Variants in ESRRG observed in about 807,000 individuals in gnomAD.
ESRRG encodes the protein estrogen-related receptor gamma.
Under a neutral mutation model 44.0 loss-of-function variants are expected in ESRRG, and 13 were observed. That is an observed-to-expected ratio of 0.30 (90% CI 0.19 to 0.47). ESRRG has a LOEUF of 0.47. Ranked by LOEUF, ESRRG falls within the 20% of genes least tolerant of loss-of-function variation. The probability of loss-of-function intolerance (pLI) is 1.00; values close to 1 mark genes in which losing one functional copy is unlikely to be tolerated. For synonymous variants in ESRRG, 215 were observed against 214.6 expected, an observed-to-expected ratio of 1.00 and a Z score of -0.02; for missense variants, 395 against 580.6, an observed-to-expected ratio of 0.68 and a Z score of 3.29.
At chr1:217,043,078 G>A (rs377360302) in intron 1 of ESRRG, among the ~76,000 whole-genome samples, 231 of 151,942 alleles carry the variant, frequency 1.5e-3, no homozygotes, top group African/African-American at 5.2e-3. Context: ...CAAATTTAAC[G>A]CCAAACATTA....
At chr1:217,070,386 AT>A (rs71303006) in intron 1 of ESRRG, among the ~76,000 whole-genome samples, 94 of 147,878 alleles carry the variant, frequency 6.4e-4, no homozygotes, top group South Asian at 1.1e-3. Context: ...TCCAAAGTTA[AT>A]TTTTTTTTTT....
intron 2 of ESRRG, among the ~76,000 whole-genome samples, chr1:216,790,526 T>A (rs2094286206): frequency 6.6e-6 from 1 of 152,182 alleles, no homozygotes; most frequent in Non-Finnish European, 1.5e-5. Context: ...GAACTTGAGA[T>A]GAATCTTAGT....
At chr1:216,933,361 T>G (rs1351318675) in intron 2 of ESRRG, among the ~76,000 whole-genome samples, 1 of 152,136 alleles carries the variant, frequency 6.6e-6, no homozygotes, top group Non-Finnish European at 1.5e-5. Flanking sequence ...TCACTTAGGC[T>G]TTCTAATTTT....
chr1:216,709,838 AT>A (rs1054032081), intron 1 of ESRRG, among the ~76,000 whole-genome samples: 2 of 151,944 alleles, frequency 1.3e-5, no homozygotes, highest in African/African-American at 2.4e-5. Flanking sequence ...CGAAACAATA[AT>A]TTTTTTTAGA....
At chr1:217,004,656 T>A (rs2077489718) in intron 1 of ESRRG, among the ~76,000 whole-genome samples, 1 of 152,218 alleles carries the variant, frequency 6.6e-6, no homozygotes, top group Non-Finnish European at 1.5e-5. Flanking sequence ...GCCATGGGCA[T>A]ATAATCTAAT....
chr1:216,835,172 G>A (rs1174742529), intron 2 of ESRRG, among the ~76,000 whole-genome samples: 1 of 152,110 alleles, frequency 6.6e-6, no homozygotes, highest in Non-Finnish European at 1.5e-5. Context: ...TGAATCTTTG[G>A]TAACACCGTG....
chr1:216,595,049 T>C (rs944873446), intron 3 of ESRRG, among the ~76,000 whole-genome samples: 4 of 152,244 alleles, frequency 2.6e-5, no homozygotes, highest in African/African-American at 9.6e-5. Flanking sequence ...GGAAAAATTC[T>C]GCAAGTACTT....
chr1:217,116,505 T>A (rs2092730307), intron 1 of ESRRG, among the ~76,000 whole-genome samples: 2 of 152,188 alleles, frequency 1.3e-5, no homozygotes, highest in South Asian at 4.1e-4. Flanking sequence ...TGTCTTACAA[T>A]CTTATAGGGA....
chr1:217,067,265 G>C (rs1282411066), intron 1 of ESRRG, among the ~76,000 whole-genome samples: 2 of 152,104 alleles, frequency 1.3e-5, no homozygotes, highest in Non-Finnish European at 2.9e-5. Flanking sequence ...CTAATTTCTA[G>C]GAGTACTAAA....
intron 1 of ESRRG, among the ~76,000 whole-genome samples, chr1:217,010,228 C>G (rs1222918435): frequency 6.6e-6 from 1 of 152,144 alleles, no homozygotes; most frequent in African/African-American, 2.4e-5. Flanking sequence ...TACCCTCTTG[C>G]ATTATTTTGC....
At position 216,506,555 on chromosome 1, in the gene ESRRG, A is replaced by G. The variant is rs2041248809; in HGVS notation, c.*384T>C. 7.8e-5 allele frequency: 34 copies of G among 436,576 alleles called. No homozygotes were observed. Among genetic ancestry groups the G allele is most frequent in the South Asian group, 5.4e-4 (32 of 59,638 alleles). The allele number at this position is 436,576 out of a possible 1,614,324, so 27.0% of individuals were successfully genotyped here. ...TAAAGCTATTTCAAATTTAGAAAAA[A>G]GGGGAAGGATGAGAAAAGAGAGGAA... On this transcript the variant is annotated 3_prime_UTR_variant, in exon 7 of 7. Coordinates refer to ENST00000408911, the MANE Select transcript of ESRRG (RefSeq NM_001438.4).
intron 1 of ESRRG, among the ~76,000 whole-genome samples, chr1:217,087,361 A>G (rs771615366): frequency 6.6e-6 from 1 of 152,226 alleles, no homozygotes; most frequent in Non-Finnish European, 1.5e-5. Context: ...AATATCTTGA[A>G]GATCACTTAA....
chr1:216,684,066 G>A (rs1214314872), intron 1 of ESRRG, among the ~76,000 whole-genome samples: 1 of 152,108 alleles, frequency 6.6e-6, no homozygotes, highest in Non-Finnish European at 1.5e-5. Flanking sequence ...TAATAAGATC[G>A]ACTAAACTAA....
At chr1:216,763,174 ATTTTGGGTTTTCTTTCT>A (rs2152351726) in intron 2 of ESRRG, among the ~76,000 whole-genome samples, 1 of 152,180 alleles carries the variant, frequency 6.6e-6, no homozygotes, top group Admixed American at 6.6e-5. Flanking sequence ...TCAATTCTAC[ATTTTGGGTTTTCTTTCT>A]TAAATGTATT....
intron 3 of ESRRG, among the ~76,000 whole-genome samples, chr1:216,618,583 C>A (rs537286433): frequency 6.6e-6 from 1 of 152,284 alleles, no homozygotes; most frequent in South Asian, 2.1e-4. Flanking sequence ...CTTTCATTTT[C>A]AATATTTGAC....
chr1:216,713,813 C>T (rs2084181862), intron 1 of ESRRG, among the ~76,000 whole-genome samples: 1 of 152,174 alleles, frequency 6.6e-6, no homozygotes, highest in African/African-American at 2.4e-5. Flanking sequence ...GCTAATGTAA[C>T]AGTGTTGGCA....
At chr1:216,873,209 G>GTATTT (rs1553667115) in intron 2 of ESRRG, among the ~76,000 whole-genome samples, 1 of 105,948 alleles carries the variant, frequency 9.4e-6, no homozygotes, top group Admixed American at 1.2e-4. Flanking sequence ...CATCTTTTCA[G>GTATTT]TTTTTTTTTT....
chr1:216,697,921 G>A (rs916150703), intron 1 of ESRRG, among the ~76,000 whole-genome samples: 1 of 152,170 alleles, frequency 6.6e-6, no homozygotes, highest in African/African-American at 2.4e-5. Context: ...TCAACCAAGA[G>A]CCATGGAAAC....
chr1:216,558,368 C>T (rs932403901), intron 5 of ESRRG, among the ~76,000 whole-genome samples: 32 of 152,262 alleles, frequency 2.1e-4, no homozygotes, highest in African/African-American at 5.8e-4. Context: ...ATCGTTTAGA[C>T]GCCAATGGTC....
Sources: gnomAD v4.1 joint callset for allele counts (sites outside exome capture counted in the v4.1 genomes callset) on GRCh38, gnomAD v4.1.1 for gene constraint, MANE v1.5 for transcripts, NCBI Gene and HGNC (gene_info 2026-07-23, HGNC 2026-07-21) for gene names.